C7orf33: variants seen among roughly 807,000 people sequenced by gnomAD.
C7orf33 encodes chromosome 7 open reading frame 33, also known as uncharacterized protein C7orf33.
In C7orf33, 15 loss-of-function variants were observed where a neutral mutation model predicts 13.4. That is an observed-to-expected ratio of 1.12 (90% CI 0.75 to 1.72). The LOEUF (loss-of-function observed/expected upper bound fraction) is 1.72. Among genes scored for constraint, C7orf33 ranks in the 40% most tolerant of loss-of-function variants. C7orf33 has a pLI of 0.00. For synonymous variants in C7orf33, 73 were observed against 83.2 expected (o/e 0.88, Z 0.67); for missense variants, 187 against 220.3 (o/e 0.85, Z 0.96).
chr7:148,594,846 C>T (rs1796310049), intron 1 of C7orf33, among the ~76,000 whole-genome samples: 1 of 152,018 alleles, frequency 6.6e-6, no homozygotes, highest in Non-Finnish European at 1.5e-5. Flanking sequence ...AAAAGAAGGA[C>T]AATGTCTATG....
Position 148,614,309 on chromosome 7 carries a change from G to C in C7orf33, c.459+13G>C, listed in dbSNP as rs761181588. The stretch of plus-strand genomic sequence containing the variant: ...TTCATACCTAAACGTAAGCTCCGAA[G>C]TGTCTTAGCACCTCCAAGTTTAAGG... On this transcript the variant is annotated intron_variant, in intron 2 of 2. Transcript: ENST00000307003. 2.5e-6 allele frequency: 4 copies of C among 1,612,836 alleles called. No homozygotes were observed. Among genetic ancestry groups the C allele is most frequent in the African/African-American group, 1.3e-5 (1 of 75,024 alleles).
rs548105850 is a variant in C7orf33, at chr7:148,590,794, G to A, written c.-132G>A. ...TATGGTGATGCCAATCCAGTGGTCA[G>A]GAGCGAGGCGCCCAGCCTGTGTCTG... is the stretch of plus-strand genomic sequence containing the variant. On this transcript the variant is annotated 5_prime_UTR_variant, in exon 1 of 3. Transcript: ENST00000307003. 1.2e-6 allele frequency: 1 copy of A among 808,546 alleles called. No homozygotes were observed. The highest frequency in any genetic ancestry group is 2.6e-5 in the East Asian group (1 of 37,762). 50.1% of individuals were successfully genotyped at this position (808,546 alleles called of 1,614,324 possible). A position where few individuals can be genotyped will look rare whatever the true frequency, so the allele number is the denominator to read the frequency against.
chr7:148,596,296 T>C (rs1332003501), intron 1 of C7orf33, among the ~76,000 whole-genome samples: 1 of 152,186 alleles, frequency 6.6e-6, no homozygotes, highest in Admixed American at 6.5e-5. Context: ...TGAACCAACA[T>C]TGATGTATTA....
At chr7:148,614,576 T>C (rs1301466699) in intron 2 of C7orf33, among the ~76,000 whole-genome samples, 5 of 152,202 alleles carry the variant, frequency 3.3e-5, no homozygotes. Context: ...ATAAGGCAAC[T>C]TTAACAAAAT....
chr7:148,608,301 G>A (rs569176705), intron 1 of C7orf33, among the ~76,000 whole-genome samples: 37 of 151,910 alleles, frequency 2.4e-4, no homozygotes, highest in African/African-American at 7.5e-4. Flanking sequence ...ATGGTGGTGC[G>A]CGCCTGTAGT....
At chr7:148,591,919 A>C (rs1440003227) in intron 1 of C7orf33, among the ~76,000 whole-genome samples, 1 of 152,022 alleles carries the variant, frequency 6.6e-6, no homozygotes, top group African/African-American at 2.4e-5. Context: ...CCTGATCCCC[A>C]AGCCCCTGCC....
chr7:148,599,632 G>A (rs530633015), intron 1 of C7orf33, among the ~76,000 whole-genome samples: 22 of 151,770 alleles, frequency 1.4e-4, no homozygotes, highest in Non-Finnish European at 2.4e-4. Flanking sequence ...GCACCATCAC[G>A]TCCTGCTAAT....
At chr7:148,611,437 G>A (rs894005250) in intron 1 of C7orf33, among the ~76,000 whole-genome samples, 5 of 152,184 alleles carry the variant, frequency 3.3e-5, no homozygotes, top group Non-Finnish European at 2.9e-5. Context: ...AAAGAGGGAC[G>A]TCTTGATGCC....
At chr7:148,595,180 C>A (rs552497306) in intron 1 of C7orf33, among the ~76,000 whole-genome samples, 7 of 149,382 alleles carry the variant, frequency 4.7e-5, no homozygotes, top group Non-Finnish European at 8.9e-5. Flanking sequence ...AGTGATCGAT[C>A]CTCCTGCTTC....
intron 1 of C7orf33, among the ~76,000 whole-genome samples, chr7:148,613,524 G>A (rs1224906411): frequency 6.6e-6 from 1 of 152,184 alleles, no homozygotes; most frequent in South Asian, 2.1e-4. Flanking sequence ...CAACATAGTC[G>A]GACCTTGAAA....
chr7:148,596,034 A>C (rs1277883728), intron 1 of C7orf33, among the ~76,000 whole-genome samples: 1 of 152,092 alleles, frequency 6.6e-6, no homozygotes, highest in East Asian at 1.9e-4. Context: ...TTTTAGGTTA[A>C]CATTAAACAT....
intron 1 of C7orf33, among the ~76,000 whole-genome samples, chr7:148,598,001 C>T (rs1447580797): frequency 1.3e-5 from 2 of 152,180 alleles, no homozygotes; most frequent in Non-Finnish European, 2.9e-5. Context: ...GTGATCCTCC[C>T]GCCTTGGTCT....
In C7orf33 at chr7:148,598,631, C is replaced by T. The variant is rs1796370097; in HGVS notation, c.204+7502C>T. On this transcript the variant is annotated intron_variant, in intron 1 of 2. Coordinates refer to ENST00000307003, the MANE Select transcript of C7orf33 (RefSeq NM_145304.4). ...ACTGGCGCTCTGCAAATAAGTGAAC[C>T]TATATTCTCTCTCCCTCTCTCTCTC... Among the ~76,000 whole-genome samples the T allele has an allele frequency of 2.0e-5, 3 of 147,942 alleles. No homozygotes were observed. The South Asian group carries it at 6.4e-4, about 32-fold the overall frequency.
At chr7:148,602,323 C>T (rs1214002318) in intron 1 of C7orf33, among the ~76,000 whole-genome samples, 3 of 151,682 alleles carry the variant, frequency 2.0e-5, no homozygotes, top group Non-Finnish European at 2.9e-5. Flanking sequence ...GGGTGGGTCA[C>T]GGTGGCTCAG....
chr7:148,606,036 G>T (rs1796469642), intron 1 of C7orf33, among the ~76,000 whole-genome samples: 1 of 152,136 alleles, frequency 6.6e-6, no homozygotes, highest in South Asian at 2.1e-4. Context: ...TGTTCATCCT[G>T]CAGGAATCAT....
chr7:148,592,094 A>G (rs906303715), intron 1 of C7orf33, among the ~76,000 whole-genome samples: 2 of 152,172 alleles, frequency 1.3e-5, no homozygotes, highest in African/African-American at 4.8e-5. Flanking sequence ...CCATTTGCCC[A>G]CACCCTCATT....
At chr7:148,606,219 A>G (rs1004165133) in intron 1 of C7orf33, among the ~76,000 whole-genome samples, 1 of 152,224 alleles carries the variant, frequency 6.6e-6, no homozygotes, top group Non-Finnish European at 1.5e-5. Flanking sequence ...CACTTTTCTT[A>G]GATTCATCTC....
At chr7:148,601,470 C>A (rs1360737494) in intron 1 of C7orf33, among the ~76,000 whole-genome samples, 1 of 147,282 alleles carries the variant, frequency 6.8e-6, no homozygotes, top group Admixed American at 6.7e-5. Flanking sequence ...CTCAGCCTCC[C>A]AAGTAGCTAG....
intron 1 of C7orf33, among the ~76,000 whole-genome samples, chr7:148,611,771 G>T (rs1200078630): frequency 1.3e-5 from 2 of 152,228 alleles, no homozygotes; most frequent in Admixed American, 6.5e-5. Context: ...GGTTACACGT[G>T]CCCACCTGGG....
Sources: allele counts gnomAD v4.1 joint callset (sites outside exome capture counted in the v4.1 genomes callset), GRCh38; gene constraint gnomAD v4.1.1; transcripts MANE v1.5; gene names NCBI Gene and HGNC (gene_info 2026-07-23, HGNC 2026-07-21).